Variants in GRIN2B observed in about 807,000 individuals in gnomAD.
GRIN2B encodes glutamate receptor ionotropic, NMDA 2B.
A neutral mutation model predicts 114.5 loss-of-function variants in GRIN2B; 5 were observed. The observed-to-expected ratio is 0.04, with a 90% CI of 0.02 to 0.09. The LOEUF (loss-of-function observed/expected upper bound fraction) is 0.09, where lower values mean the gene tolerates loss of function less well. Ranked by LOEUF, GRIN2B falls within the 10% of genes least tolerant of loss-of-function variation. The pLI is 1.00. For synonymous variants in GRIN2B, 787 were observed against 745.1 expected (o/e 1.06, Z -0.92); for missense variants, 1,108 against 1,943.5 (o/e 0.57, Z 8.08).
At position 13,564,630 on chromosome 12, in the gene GRIN2B, T is replaced by C. The variant is rs774303389; in HGVS notation, c.2608A>G (p.Ser870Gly). 3 of 1,613,754 alleles carry C rather than the reference T, an allele frequency of 1.9e-6. No homozygotes were observed. Among genetic ancestry groups the C allele is most frequent in the Non-Finnish European group, 2.5e-6 (3 of 1,179,976 alleles). The change falls in exon 14 of 14, where the codon AGC becomes GGC. Residue 870 changes from serine (S) to glycine (G), a missense_variant. By Grantham distance (56) the Ser-to-Gly change is moderately conservative (BLOSUM62 0). Coordinates refer to ENST00000609686, the MANE Select transcript of GRIN2B (RefSeq NM_000834.5). The surrounding 1 kb of genome is among the most constrained non-coding windows in gnomAD (Gnocchi z 4.8). ...MVFSISRGIYSCIHGVAIEER... is the reference protein window; with the variant it reads ...MVFSISRGIYGCIHGVAIEER... ...TCGATCGCCACCCCATGGATGCAGC[T>C]GTAGATACCCTGAAGCAAGAATGGA...
intron 4 of GRIN2B, among the ~76,000 whole-genome samples, chr12:13,727,836 T>G (rs1040682623): frequency 6.6e-6 from 1 of 152,108 alleles, no homozygotes; most frequent in Non-Finnish European, 1.5e-5. Context: ...TATTAACAGC[T>G]CTGGATAATA....
chr12:13,686,588 G>T (rs1026343909), intron 4 of GRIN2B, among the ~76,000 whole-genome samples: 5 of 152,020 alleles, frequency 3.3e-5, no homozygotes, highest in Non-Finnish European at 7.4e-5. Flanking sequence ...ATCACAAAGA[G>T]ATTTTTCAAC....
chr12:13,864,219 A>C (rs1256310765), intron 3 of GRIN2B, among the ~76,000 whole-genome samples: 1 of 152,222 alleles, frequency 6.6e-6, no homozygotes, highest in Admixed American at 6.5e-5. Flanking sequence ...GACCTTTCCT[A>C]GACTGAAGGG....
intron 8 of GRIN2B, 28 bp from the exon 9 acceptor site, chr12:13,611,878 G>C: frequency 6.2e-7 from 1 of 1,610,562 alleles, no homozygotes; most frequent in East Asian, 2.2e-5. Context: ...GCAGTGCTCA[G>C]GGTTAGAACA....
rs1029801624 is a variant in GRIN2B at position 13,553,853 on chromosome 12, T to C, written c.*8930A>G. 8 of 152,168 alleles carry C rather than the reference T, an allele frequency of 5.3e-5. No individual in the cohort carries two copies. In the East Asian group the frequency reaches 9.6e-4, roughly 18 times the overall value. The allele number at this position is 152,168 out of a possible 1,614,324, so 9.4% of individuals were successfully genotyped here. ...TCCCTCTGTCACTTACTTGAACACA[T>C]GTAGTGTTCCAAGTACACTTTCCTA... On this transcript the variant is annotated 3_prime_UTR_variant, in exon 14 of 14. Coordinates refer to ENST00000609686, the MANE Select transcript of GRIN2B (RefSeq NM_000834.5).
intron 3 of GRIN2B, among the ~76,000 whole-genome samples, chr12:13,769,478 G>T (rs951635317): frequency 6.6e-6 from 1 of 152,170 alleles, no homozygotes; most frequent in Non-Finnish European, 1.5e-5. Flanking sequence ...GAGCTGTAAG[G>T]GTATACATTT....
chr12:13,768,213 T>C (rs1375409247), intron 3 of GRIN2B, among the ~76,000 whole-genome samples: 1 of 152,202 alleles, frequency 6.6e-6, no homozygotes, highest in African/African-American at 2.4e-5. Context: ...AGCTTCAGCT[T>C]TTCTTTGCAC....
chr12:13,900,815 A>T (rs1252123127), intron 2 of GRIN2B, among the ~76,000 whole-genome samples: 1 of 151,758 alleles, frequency 6.6e-6, no homozygotes. Context: ...TGCTTCTTTT[A>T]CTCTATAGCA....
chr12:13,746,021 G>A (rs1432712499), intron 4 of GRIN2B, among the ~76,000 whole-genome samples: 2 of 151,890 alleles, frequency 1.3e-5, no homozygotes, highest in African/African-American at 2.4e-5. Flanking sequence ...TGGGAGGAGG[G>A]AGACAAAAAA....
At chr12:13,880,994 TTGTG>T (rs144197797) in intron 2 of GRIN2B, among the ~76,000 whole-genome samples, 29 of 148,792 alleles carry the variant, frequency 1.9e-4, no homozygotes, top group Non-Finnish European at 2.7e-4. Flanking sequence ...GGGTATAAGG[TTGTG>T]TGTGTGTGTG....
At chr12:13,892,232 C>T (rs1182009404) in intron 2 of GRIN2B, among the ~76,000 whole-genome samples, 1 of 152,090 alleles carries the variant, frequency 6.6e-6, no homozygotes, top group African/African-American at 2.4e-5. Context: ...AAAACCTTCT[C>T]ATAATAGGTT....
At chr12:13,698,789 T>C (rs1219479146) in intron 4 of GRIN2B, among the ~76,000 whole-genome samples, 1 of 152,110 alleles carries the variant, frequency 6.6e-6, no homozygotes. Context: ...TTCAAGTAAC[T>C]ATCCTGCCTC....
intron 2 of GRIN2B, among the ~76,000 whole-genome samples, chr12:13,896,260 C>T (rs1388119408): frequency 6.6e-5 from 10 of 152,024 alleles, no homozygotes; most frequent in Non-Finnish European, 1.3e-4. Flanking sequence ...AAGATGGGGA[C>T]AGGAGTGCAG....
intron 3 of GRIN2B, among the ~76,000 whole-genome samples, chr12:13,823,847 T>C (rs1408086829): frequency 6.6e-6 from 1 of 152,188 alleles, no homozygotes; most frequent in Non-Finnish European, 1.5e-5. Flanking sequence ...TTATTGAGAA[T>C]TCTCAACATG....
chr12:13,583,208 C>G (rs1188726589), intron 10 of GRIN2B, among the ~76,000 whole-genome samples: 1 of 152,176 alleles, frequency 6.6e-6, no homozygotes, highest in Non-Finnish European at 1.5e-5. Flanking sequence ...GCAACAGATA[C>G]AATCCCTACC....
intron 3 of GRIN2B, among the ~76,000 whole-genome samples, chr12:13,787,235 G>T (rs1203243059): frequency 6.6e-6 from 1 of 152,178 alleles, no homozygotes; most frequent in Non-Finnish European, 1.5e-5. Flanking sequence ...CATAAAAGAA[G>T]ATGAACTTCA....
chr12:13,744,936 C>A (rs1307525122), intron 4 of GRIN2B, among the ~76,000 whole-genome samples: 1 of 152,132 alleles, frequency 6.6e-6, no homozygotes, highest in Non-Finnish European at 1.5e-5. Context: ...CTGTTCAGAT[C>A]CCTCAGTAGT....
At chr12:13,938,410 TCTA>T (rs1249848095) in intron 2 of GRIN2B, among the ~76,000 whole-genome samples, 1 of 152,170 alleles carries the variant, frequency 6.6e-6, no homozygotes, top group Non-Finnish European at 1.5e-5. Context: ...ATCCAGCAAT[TCTA>T]CTTTTTGACA....
intron 2 of GRIN2B, among the ~76,000 whole-genome samples, chr12:13,952,124 A>G (rs1321228139): frequency 6.6e-6 from 1 of 152,142 alleles, no homozygotes; most frequent in Non-Finnish European, 1.5e-5. Context: ...TATAAAAATA[A>G]AAATGTATAT....
Sources: allele counts gnomAD v4.1 joint callset (sites outside exome capture counted in the v4.1 genomes callset), GRCh38; gene constraint gnomAD v4.1.1; non-coding constraint Gnocchi (gnomAD v3.1); transcripts MANE v1.5; gene names NCBI Gene and HGNC (gene_info 2026-07-23, HGNC 2026-07-21).